The following ROBO2 variants were observed in gnomAD, a reference collection of about 807,000 sequenced individuals.
ROBO2 encodes roundabout homolog 2.
Under a neutral mutation model 160.8 loss-of-function variants are expected in ROBO2, and 53 were observed. The observed-to-expected ratio is 0.33, with a 90% confidence interval of 0.26 to 0.41. The LOEUF (loss-of-function observed/expected upper bound fraction) is 0.41, where lower values mean the gene tolerates loss of function less well. ROBO2 is among the 10% of genes least tolerant of loss of function. ROBO2 has a pLI of 1.00. For missense variants in ROBO2, 1,577 were observed against 1,722.4 expected (o/e 0.92, Z 1.49); for synonymous variants, 664 against 611.7 (o/e 1.09, Z -1.26).
At chr3:76,121,899 T>G (rs1283848749) in intron 2 of ROBO2, among the ~76,000 whole-genome samples, 1 of 152,174 alleles carries the variant, frequency 6.6e-6, no homozygotes, top group Non-Finnish European at 1.5e-5. Flanking sequence ...GAATTCAGAT[T>G]TTTACTTGAC....
intron 2 of ROBO2, among the ~76,000 whole-genome samples, chr3:76,126,524 A>G (rs1393360432): frequency 6.6e-6 from 1 of 152,170 alleles, no homozygotes; most frequent in African/African-American, 2.4e-5. Flanking sequence ...AAGAAACATG[A>G]CATTGTAATT....
chr3:75,925,951 A>G (rs1947276084), intron 1 of ROBO2, among the ~76,000 whole-genome samples: 1 of 152,188 alleles, frequency 6.6e-6, no homozygotes, highest in Non-Finnish European at 1.5e-5. Context: ...TAAATTTGTC[A>G]TATTTTCTTA....
intron 2 of ROBO2, among the ~76,000 whole-genome samples, chr3:76,491,627 T>C (rs1700922282): frequency 6.6e-6 from 1 of 152,208 alleles, no homozygotes; most frequent in Non-Finnish European, 1.5e-5. Flanking sequence ...CATTATTACA[T>C]TGAAAAATTA....
At chr3:76,163,586 A>G (rs1485656859) in intron 2 of ROBO2, among the ~76,000 whole-genome samples, 1 of 150,810 alleles carries the variant, frequency 6.6e-6, no homozygotes, top group Non-Finnish European at 1.5e-5. Flanking sequence ...TTCATCAGAA[A>G]TATTGCAGGT....
chr3:76,362,603 A>G (rs980563380), intron 2 of ROBO2, among the ~76,000 whole-genome samples: 12 of 152,146 alleles, frequency 7.9e-5, no homozygotes, highest in Non-Finnish European at 1.8e-4. Flanking sequence ...ATTCATGAAT[A>G]CATGTGTGTA....
intron 2 of ROBO2, among the ~76,000 whole-genome samples, chr3:77,292,751 G>C (rs1305665829): frequency 2.1e-5 from 2 of 95,996 alleles, no homozygotes; most frequent in Non-Finnish European, 5.7e-5. Context: ...GTTGAGGCTA[G>C]AGCACTAAAG....
At chr3:76,586,548 A>G (rs985656507) in intron 2 of ROBO2, among the ~76,000 whole-genome samples, 4 of 152,246 alleles carry the variant, frequency 2.6e-5, no homozygotes, top group African/African-American at 9.6e-5. Context: ...TTTTTTAAAA[A>G]TTAATAAAAG....
Position 77,559,250 on chromosome 3 carries a change from A to G in ROBO2, c.1437+1101A>G, listed in dbSNP as rs2093238845. The stretch of plus-strand genomic sequence containing the variant: ...TATTATATTGGCCAGAAGGGAACCA[A>G]CAGGTCCCACTTACACTCCAGGTGA... On this transcript the variant is annotated intron_variant, in intron 9 of 25. Transcript: ENST00000461745. 2.0e-5 allele frequency among the ~76,000 whole-genome samples: 3 copies of G among 152,130 alleles called. No individual in the cohort carries two copies. The South Asian group carries it at 6.2e-4, about 32-fold the overall frequency.
rs148850577 is a variant in ROBO2, at chr3:76,873,579, C to T, written c.110-224435C>T. ...AGTTAGTAGTAGTAGTAGTAGTCGT[C>T]GTCGTCGTCGTTGTCGTCGTCGTAG... On this transcript the variant is annotated intron_variant, in intron 2 of 26. Coordinates refer to the ROBO2 transcript ENST00000487694. Among the ~76,000 whole-genome samples the T allele has an allele frequency of 8.7e-3, 1,317 of 152,078 alleles. 12 individuals carry two copies. The highest frequency in any genetic ancestry group is 0.029 in the African/African-American group (1,217 of 41,486).
At chr3:76,765,263 G>A (rs897433102) in intron 2 of ROBO2, among the ~76,000 whole-genome samples, 2 of 151,642 alleles carry the variant, frequency 1.3e-5, no homozygotes, top group African/African-American at 2.4e-5. Flanking sequence ...TTCAAGTCAA[G>A]TATAGTTACA....
chr3:76,603,558 GT>G (rs966455288), intron 2 of ROBO2, among the ~76,000 whole-genome samples: 6 of 151,194 alleles, frequency 4.0e-5, no homozygotes, highest in South Asian at 4.2e-4. Context: ...AATAGATGGA[GT>G]TTTTTTTAAA....
intron 2 of ROBO2, among the ~76,000 whole-genome samples, chr3:77,400,754 A>G (rs898637931): frequency 6.6e-6 from 1 of 152,160 alleles, no homozygotes; most frequent in Non-Finnish European, 1.5e-5. Flanking sequence ...TAATTCTCAC[A>G]TCTACTCCAT....
At chr3:77,350,577 C>G (rs567712867) in intron 2 of ROBO2, among the ~76,000 whole-genome samples, 2 of 152,018 alleles carry the variant, frequency 1.3e-5, no homozygotes, top group Non-Finnish European at 2.9e-5. Flanking sequence ...AAATTAGAGA[C>G]GAAGGACAGA....
At chr3:76,617,064 T>C (rs993449840) in intron 2 of ROBO2, among the ~76,000 whole-genome samples, 1 of 152,096 alleles carries the variant, frequency 6.6e-6, no homozygotes, top group African/African-American at 2.4e-5. Context: ...GATATATATA[T>C]ATCCAATATT....
intron 2 of ROBO2, among the ~76,000 whole-genome samples, chr3:76,049,088 A>G (rs1316163580): frequency 6.6e-6 from 1 of 152,134 alleles, no homozygotes; most frequent in Non-Finnish European, 1.5e-5. Context: ...TGGGGGAGAG[A>G]GTTCTCAGGA....
At chr3:76,542,101 C>T (rs899557143) in intron 2 of ROBO2, among the ~76,000 whole-genome samples, 9 of 152,054 alleles carry the variant, frequency 5.9e-5, no homozygotes, top group Non-Finnish European at 8.8e-5. Context: ...TTTTTTTTCT[C>T]TCTTGTAGTT....
intron 2 of ROBO2, among the ~76,000 whole-genome samples, chr3:76,560,079 G>A (rs997846450): frequency 2.0e-5 from 3 of 151,732 alleles, no homozygotes; most frequent in African/African-American, 7.3e-5. Flanking sequence ...ATATTAATTT[G>A]CTTCTCTTTT....
intron 2 of ROBO2, among the ~76,000 whole-genome samples, chr3:76,984,549 C>T (rs2060270526): frequency 1.3e-5 from 2 of 152,086 alleles, no homozygotes; most frequent in Admixed American, 1.3e-4. Flanking sequence ...GAGATAGAAG[C>T]AGTTACCGAA....
At position 76,999,501 on chromosome 3, in the gene ROBO2, T is replaced by C. The variant is rs547703627; in HGVS notation, c.110-98513T>C. Among the ~76,000 whole-genome samples, 7 of 152,270 alleles carry C rather than the reference T, an allele frequency of 4.6e-5. No homozygotes were observed. The South Asian group carries it at 8.3e-4, about 18-fold the overall frequency. ...ACAGAACAGAGTCAAATTCTTTTGG[T>C]GTAGGACTCCTTGTTAAAATAACAT... On this transcript the variant is annotated intron_variant, in intron 2 of 26. Transcript: ENST00000487694.
Sources: gnomAD v4.1 joint callset for allele counts (sites outside exome capture counted in the v4.1 genomes callset) on GRCh38, gnomAD v4.1.1 for gene constraint, MANE v1.5 for transcripts, NCBI Gene and HGNC (gene_info 2026-07-23, HGNC 2026-07-21) for gene names.